The following CDH17 variants were observed in gnomAD, a reference collection of about 807,000 sequenced individuals.
The protein encoded by CDH17 is cadherin-17.
CDH17 carries 67 observed loss-of-function variants against 86.3 expected under a neutral mutation model. The ratio of observed to expected loss-of-function variants is 0.78; its 90% CI spans 0.64 to 0.95. The LOEUF is 0.95. Ranked by LOEUF, CDH17 falls within the 40% of genes least tolerant of loss-of-function variation. The pLI is 0.00. For missense variants in CDH17, 993 were observed against 1,017.6 expected (o/e 0.98, Z 0.33); for synonymous variants, 367 against 366.4 (o/e 1.00, Z -0.02).
At chr8:94,137,608 AC>A (rs1296820561) in intron 15 of CDH17, among the ~76,000 whole-genome samples, 1 of 152,108 alleles carries the variant, frequency 6.6e-6, no homozygotes. Flanking sequence ...GTGAGGCGAC[AC>A]CCCACCCAGT....
chr8:94,154,090 T>C (rs1812905516), intron 12 of CDH17, among the ~76,000 whole-genome samples: 1 of 152,242 alleles, frequency 6.6e-6, no homozygotes, highest in African/African-American at 2.4e-5. Flanking sequence ...TAGCTCTAAT[T>C]AGTCATTCTA....
intron 1 of CDH17, among the ~76,000 whole-genome samples, chr8:94,214,944 G>T (rs372116719): frequency 6.6e-6 from 1 of 151,948 alleles, no homozygotes; most frequent in South Asian, 2.1e-4. Context: ...TACCCACCAG[G>T]GTGTTTCATA....
upstream of CDH17, among the ~76,000 whole-genome samples, chr8:94,209,023 T>C (rs1006917444): frequency 2.0e-5 from 3 of 152,152 alleles, no homozygotes; most frequent in East Asian, 1.9e-4. Context: ...TGAGATATCA[T>C]AAATGACTCA....
rs138067396 is a variant in CDH17 at position 94,194,546 on chromosome 8, A to G, written c.51+89T>C. 139 of 858,948 alleles carry G rather than the reference A, an allele frequency of 1.6e-4. No homozygotes were observed. The East Asian group carries it at 3.2e-3, about 20-fold the overall frequency. 53.2% of individuals were successfully genotyped at this position (858,948 alleles called of 1,614,324 possible). On this transcript the variant is annotated intron_variant, in intron 2 of 17. Transcript: ENST00000027335. ...TTGATAGGTCATCTTTTTTTAAGTAATAATAGCCATTCTTTCCCTGGTGTG... is the reference window on the plus strand; with the variant it reads ...TTGATAGGTCATCTTTTTTTAAGTAGTAATAGCCATTCTTTCCCTGGTGTG...
At chr8:94,176,504 C>A (rs189159948) in intron 5 of CDH17, 37 bp downstream of exon 5, 1 of 1,609,998 alleles carries the variant, frequency 6.2e-7, no homozygotes, top group Admixed American at 1.7e-5. Context: ...GACACCCTTC[C>A]ATCTTTCCAT....
At chr8:94,168,846 C>T (rs565884950) in intron 9 of CDH17, among the ~76,000 whole-genome samples, 6 of 152,208 alleles carry the variant, frequency 3.9e-5, no homozygotes, top group Middle Eastern at 3.4e-3. Flanking sequence ...GACCTAGCAA[C>T]TTGTTTCTAA....
intron 15 of CDH17, among the ~76,000 whole-genome samples, 159 bp from the exon 16 acceptor site, chr8:94,131,151 C>T (rs1250079888): frequency 1.3e-5 from 2 of 152,142 alleles, no homozygotes; most frequent in African/African-American, 4.8e-5. Flanking sequence ...TGTATCTTCC[C>T]ATAAGGTAAG....
At chr8:94,147,493 G>A (rs1278904775) in intron 14 of CDH17, among the ~76,000 whole-genome samples, 2 of 151,938 alleles carry the variant, frequency 1.3e-5, no homozygotes, top group East Asian at 1.9e-4. Context: ...GTTTTTTTCC[G>A]GGGCTGTGGT....
intron 1 of CDH17, chr8:94,203,084 T>G (rs1386627244): frequency 1.7e-5 from 3 of 175,924 alleles, no homozygotes; most frequent in Non-Finnish European, 3.5e-5. Flanking sequence ...GTTTAGACGC[T>G]CTTGTCATTT....
intron 1 of CDH17, among the ~76,000 whole-genome samples, chr8:94,195,760 ATT>A (rs5893269): frequency 0.47 from 68,735 of 144,770 alleles, 16,140 homozygotes; most frequent in African/African-American, 0.56. Context: ...AGTCAAGGAA[ATT>A]TTTTTTTTTT....
Position 94,138,805 on chromosome 8 carries a change from T to A in CDH17, c.2167+7123A>T, listed in dbSNP as rs190629288. 2.8e-4 allele frequency among the ~76,000 whole-genome samples: 43 copies of A among 152,270 alleles called. 1 individual carries two copies. The East Asian group carries it at 7.2e-3, about 25-fold the overall frequency. On this transcript the variant is annotated intron_variant, in intron 15 of 17. Transcript: ENST00000027335. ...CTTCACCTCACAAGTTTGAAAACAT[T>A]AGCCCTAGAATAAATGCTGCCCTGG...
chr8:94,167,969 C>T (rs1227937003), intron 9 of CDH17, among the ~76,000 whole-genome samples: 1 of 150,700 alleles, frequency 6.6e-6, no homozygotes, highest in Non-Finnish European at 1.5e-5. Flanking sequence ...TTATGAGAGT[C>T]TAAATTTTCT....
rs1381755706 is a variant in CDH17 at position 94,130,700 on chromosome 8, G to A, written c.2324C>T (p.Pro775Leu). The change falls in exon 17 of 18, where the codon CCA becomes CTA. Residue 775 changes from proline (P) to leucine (L), a missense_variant. Pro to Leu is a moderately conservative substitution (Grantham distance 98). Transcript: ENST00000027335. ...GGGTATCCCAGTCTGGTGACCTGCT[G>A]GCCGGAAACAACTTCCTTCCACACA... Reference protein sequence around the residue: ...CSCVEGSCFRPAGHQTGIPTV... With the variant: ...CSCVEGSCFRLAGHQTGIPTV... 6.2e-7 allele frequency: 1 copy of A among 1,613,856 alleles called. No individual in the cohort carries two copies. The highest frequency in any genetic ancestry group is 2.2e-5 in the East Asian group (1 of 44,892).
chr8:94,183,389 A>G (rs1342052619), intron 3 of CDH17, among the ~76,000 whole-genome samples: 1 of 152,160 alleles, frequency 6.6e-6, no homozygotes, highest in East Asian at 1.9e-4. Flanking sequence ...AAACATATAT[A>G]GATCAATGGA....
chr8:94,211,877 C>T (rs980209338), upstream of CDH17, among the ~76,000 whole-genome samples: 11 of 152,190 alleles, frequency 7.2e-5, no homozygotes, highest in African/African-American at 2.7e-4. Context: ...GGACTCAACT[C>T]CATTCAGTTA....
chr8:94,142,074 T>C (rs1232255043), intron 15 of CDH17, among the ~76,000 whole-genome samples: 1 of 149,532 alleles, frequency 6.7e-6, no homozygotes, highest in Non-Finnish European at 1.5e-5. Flanking sequence ...TTGCCAAAGT[T>C]GTTAAGATAA....
Position 94,201,930 on chromosome 8 carries a change from G to A in CDH17, c.-21+6553C>T, listed in dbSNP as rs184385599. 91 of 187,566 alleles carry A rather than the reference G, an allele frequency of 4.9e-4. 2 individuals carry two copies. The highest frequency in any genetic ancestry group is 4.4e-3 in the Admixed American group (87 of 19,734). 11.6% of individuals were successfully genotyped at this position (187,566 alleles called of 1,614,324 possible). A position where few individuals can be genotyped will look rare whatever the true frequency, so the allele number is the denominator to read the frequency against. On this transcript the variant is annotated intron_variant, in intron 1 of 17. Transcript: ENST00000027335. ...TAAGAAATTTAGAACACCAATTTGT[G>A]AGGATAAATTCCATTCACCAGGGCA...
rs968001892 is a variant in CDH17 at position 94,128,424 on chromosome 8, G to GA, written c.2399-85dup. 51 of 831,570 alleles carry GA rather than the reference G, an allele frequency of 6.1e-5. 1 individual carries two copies. The Admixed American group carries it at 1.2e-3, about 20-fold the overall frequency. The allele number at this position is 831,570 out of a possible 1,614,324, so 51.5% of individuals were successfully genotyped here. A position where few individuals can be genotyped will look rare whatever the true frequency, so the allele number is the denominator to read the frequency against. On this transcript the variant is annotated intron_variant, in intron 17 of 17. Transcript: ENST00000027335. ...CAGTTATAAAGTAGTATTGTGGTAG[G>GA]AAAAAAATGACTCAACTTCATTTTT...
At chr8:94,215,506 A>C (rs1586040080) in intron 1 of CDH17, among the ~76,000 whole-genome samples, 1 of 152,318 alleles carries the variant, frequency 6.6e-6, no homozygotes, top group Non-Finnish European at 1.5e-5. Flanking sequence ...GGGAATTTAG[A>C]GCTGAGAGCT....
Sources: gnomAD v4.1 joint callset for allele counts (sites outside exome capture counted in the v4.1 genomes callset) on GRCh38, gnomAD v4.1.1 for gene constraint, MANE v1.5 for transcripts, NCBI Gene and HGNC (gene_info 2026-07-23, HGNC 2026-07-21) for gene names.